The following ATP8A2 variants were observed in gnomAD, a reference collection of about 807,000 sequenced individuals.
ATP8A2 encodes ATPase phospholipid transporting 8A2, also known as phospholipid-transporting ATPase IB.
In ATP8A2, 100 loss-of-function variants were observed where a neutral mutation model predicts 165.6. The ratio of observed to expected loss-of-function variants is 0.60; its 90% CI spans 0.51 to 0.71. The LOEUF is 0.71. ATP8A2 is among the 30% of genes least tolerant of loss of function. The pLI is 0.00. For missense variants in ATP8A2, 1,227 were observed against 1,479.5 expected (o/e 0.83, Z 2.80); for synonymous variants, 543 against 548.8 (o/e 0.99, Z 0.15).
chr13:25,921,691 T>C (rs1296004572), intron 33 of ATP8A2, among the ~76,000 whole-genome samples: 4 of 152,126 alleles, frequency 2.6e-5, no homozygotes, highest in Non-Finnish European at 5.9e-5. Flanking sequence ...TTTATTTACT[T>C]GTGAAATCTT....
intron 24 of ATP8A2, among the ~76,000 whole-genome samples, chr13:25,689,869 G>A (rs9578902): frequency 0.11 from 15,954 of 150,888 alleles, 965 homozygotes; most frequent in East Asian, 0.26. Flanking sequence ...TTTTCTTTTA[G>A]GAAAAAAAAA....
At chr13:25,793,339 T>C (rs1593355895) in intron 27 of ATP8A2, among the ~76,000 whole-genome samples, 1 of 152,162 alleles carries the variant, frequency 6.6e-6, no homozygotes, top group Non-Finnish European at 1.5e-5. Flanking sequence ...ATTACAAGAG[T>C]ACTACATAGA....
At chr13:25,513,918 C>T (rs549619045) in intron 2 of ATP8A2, among the ~76,000 whole-genome samples, 1 of 140,718 alleles carries the variant, frequency 7.1e-6, no homozygotes, top group African/African-American at 2.6e-5. Context: ...TAAAGTCCAG[C>T]TTTGGCTCGG....
At chr13:25,609,534 G>GAATTCAAATATATATATATATATTT (rs1421989174) in intron 24 of ATP8A2, among the ~76,000 whole-genome samples, 1 of 42,218 alleles carries the variant, frequency 2.4e-5, no homozygotes, top group Non-Finnish European at 7.2e-5. Flanking sequence ...ATATATATTT[G>GAATTCAAATATATATATATATATTT]GGATTCAAAT....
intron 23 of ATP8A2, among the ~76,000 whole-genome samples, chr13:25,583,933 G>T (rs114376066): frequency 5.3e-5 from 8 of 152,146 alleles, no homozygotes; most frequent in Non-Finnish European, 1.2e-4. Flanking sequence ...CTCCAAGACC[G>T]CTAGAAGATG....
chr13:25,482,697 G>C (rs1190009378), intron 2 of ATP8A2, among the ~76,000 whole-genome samples: 1 of 152,184 alleles, frequency 6.6e-6, no homozygotes, highest in Non-Finnish European at 1.5e-5. Flanking sequence ...ATTGAATCAT[G>C]GGGGCGGTTT....
intron 24 of ATP8A2, among the ~76,000 whole-genome samples, chr13:25,600,842 A>C (rs1475518551): frequency 2.6e-5 from 4 of 152,246 alleles, no homozygotes; most frequent in Non-Finnish European, 5.9e-5. Context: ...GGAAGAAGAC[A>C]GAAATAAATA....
intron 1 of ATP8A2, among the ~76,000 whole-genome samples, chr13:25,419,626 AG>A (rs1188485446): frequency 6.7e-6 from 1 of 148,776 alleles, no homozygotes; most frequent in Non-Finnish European, 1.5e-5. Flanking sequence ...CCTGAAAACC[AG>A]CAGTGAGGTT....
At chr13:25,791,686 G>C (rs1477580564) in intron 27 of ATP8A2, among the ~76,000 whole-genome samples, 1 of 151,964 alleles carries the variant, frequency 6.6e-6, no homozygotes, top group Non-Finnish European at 1.5e-5. Flanking sequence ...TTCTTTCAAA[G>C]CCTATTCATC....
At chr13:25,583,370 G>A (rs892142936) in intron 23 of ATP8A2, among the ~76,000 whole-genome samples, 2 of 152,110 alleles carry the variant, frequency 1.3e-5, no homozygotes, top group African/African-American at 2.4e-5. Context: ...CCCTATTAGA[G>A]CAATGTGAAA....
intron 34 of ATP8A2, among the ~76,000 whole-genome samples, chr13:25,966,010 G>C (rs1244319958): frequency 3.8e-5 from 5 of 133,188 alleles, no homozygotes; most frequent in African/African-American, 1.4e-4. Context: ...CAAAAGAAGA[G>C]TCCAGGGAAA....
intron 16 of ATP8A2, among the ~76,000 whole-genome samples, chr13:25,569,211 G>T (rs1283488901): frequency 6.6e-6 from 1 of 152,120 alleles, no homozygotes; most frequent in Non-Finnish European, 1.5e-5. Context: ...TTTTTGCAAT[G>T]CAGGCCTTGA....
intron 24 of ATP8A2, among the ~76,000 whole-genome samples, chr13:25,690,980 G>T (rs1281529161): frequency 6.6e-6 from 1 of 152,164 alleles, no homozygotes; most frequent in Non-Finnish European, 1.5e-5. Flanking sequence ...TAAACAAATT[G>T]TGCTGTGTTC....
intron 30 of ATP8A2, among the ~76,000 whole-genome samples, chr13:25,856,104 A>G (rs977217539): frequency 2.0e-5 from 3 of 152,058 alleles, no homozygotes; most frequent in African/African-American, 7.2e-5. Context: ...TTGTCTTTTT[A>G]CTTTCCTAGT....
At chr13:25,960,330 C>A (rs1265167327) in intron 33 of ATP8A2, among the ~76,000 whole-genome samples, 1 of 152,290 alleles carries the variant, frequency 6.6e-6, no homozygotes, top group East Asian at 1.9e-4. Context: ...ATCCTGCCCT[C>A]ATTTTACTGT....
intron 1 of ATP8A2, among the ~76,000 whole-genome samples, chr13:25,392,556 A>G (rs913959321): frequency 6.6e-5 from 10 of 152,240 alleles, no homozygotes; most frequent in African/African-American, 1.7e-4. Flanking sequence ...ATTAGAAAAG[A>G]AATCAGAAGG....
At chr13:25,864,471 A>G (rs1265978885) in intron 33 of ATP8A2, among the ~76,000 whole-genome samples, 1 of 152,136 alleles carries the variant, frequency 6.6e-6, no homozygotes, top group Non-Finnish European at 1.5e-5. Flanking sequence ...CGACATTTTC[A>G]CTGTACCAGT....
rs1026878591 is a variant in ATP8A2 at position 25,952,166 on chromosome 13, T to A, written c.3184-9409T>A. Among the ~76,000 whole-genome samples, 7 of 152,180 alleles carry A rather than the reference T, an allele frequency of 4.6e-5. 1 individual carries two copies. Among genetic ancestry groups the A allele is most frequent in the African/African-American group, 1.7e-4 (7 of 41,436 alleles). Reference sequence around the variant, plus strand: ...CTAGTAGAATCATCTTCAGAGGATGTCCCAATACGTTGAACTGAGATGCCT... The same window carrying A: ...CTAGTAGAATCATCTTCAGAGGATGACCCAATACGTTGAACTGAGATGCCT... On this transcript the variant is annotated intron_variant, in intron 33 of 36. Coordinates refer to ENST00000381655, the MANE Select transcript of ATP8A2 (RefSeq NM_016529.6).
chr13:25,581,403 T>A (rs892289972), intron 22 of ATP8A2, among the ~76,000 whole-genome samples: 3 of 152,196 alleles, frequency 2.0e-5, no homozygotes, highest in African/African-American at 7.2e-5. Context: ...GCACCACAGG[T>A]CTCTTACTCC....
Sources: allele counts gnomAD v4.1 joint callset (sites outside exome capture counted in the v4.1 genomes callset), GRCh38; gene constraint gnomAD v4.1.1; transcripts MANE v1.5; gene names NCBI Gene and HGNC (gene_info 2026-07-23, HGNC 2026-07-21).